The following KCND3 variants were observed in gnomAD, a reference collection of about 807,000 sequenced individuals.
The protein encoded by KCND3 is potassium voltage-gated channel subfamily D member 3.
A neutral mutation model predicts 51.1 loss-of-function variants in KCND3; 9 were observed. The observed-to-expected ratio is 0.18, with a 90% confidence interval of 0.11 to 0.31. The LOEUF is 0.31. Ranked by LOEUF, KCND3 falls within the 10% of genes least tolerant of loss-of-function variation. The pLI, the probability that KCND3 is intolerant of heterozygous loss-of-function variation, is 1.00. For missense variants in KCND3, 526 were observed against 903.8 expected (o/e 0.58, Z 5.36); for synonymous variants, 349 against 368.0 (o/e 0.95, Z 0.59).
At chr1:111,839,914 G>A (rs1451285336) in intron 2 of KCND3, among the ~76,000 whole-genome samples, 2 of 152,182 alleles carry the variant, frequency 1.3e-5, no homozygotes, top group Non-Finnish European at 2.9e-5. Context: ...GTTTATTCTG[G>A]GTGCCTTAGT....
intron 2 of KCND3, among the ~76,000 whole-genome samples, chr1:111,876,070 G>A (rs889889396): frequency 3.9e-5 from 6 of 152,080 alleles, no homozygotes; most frequent in East Asian, 1.9e-4. Flanking sequence ...TACTCAACTC[G>A]CAGGGAAACT....
At chr1:111,878,505 C>G (rs930375917) in intron 2 of KCND3, among the ~76,000 whole-genome samples, 1 of 152,212 alleles carries the variant, frequency 6.6e-6, no homozygotes, top group Non-Finnish European at 1.5e-5. Context: ...CTCCTCTGCT[C>G]CATTCCCCCT....
At chr1:111,843,384 A>T (rs913262344) in intron 2 of KCND3, among the ~76,000 whole-genome samples, 7 of 152,236 alleles carry the variant, frequency 4.6e-5, no homozygotes, top group African/African-American at 1.7e-4. Context: ...AAGAGAAGGC[A>T]AAGGCTGCCC....
At chr1:111,918,904 T>C (rs1295982923) in intron 2 of KCND3, among the ~76,000 whole-genome samples, 4 of 151,886 alleles carry the variant, frequency 2.6e-5, no homozygotes, top group African/African-American at 9.7e-5. Flanking sequence ...TTTTTACATC[T>C]TAAATGACTG....
At chr1:111,878,200 A>G (rs929544486) in intron 2 of KCND3, among the ~76,000 whole-genome samples, 1 of 152,222 alleles carries the variant, frequency 6.6e-6, no homozygotes, top group Non-Finnish European at 1.5e-5. Flanking sequence ...GCCACTGCCA[A>G]CTTTCAGACT....
chr1:111,830,588 G>A (rs567253677), intron 2 of KCND3, among the ~76,000 whole-genome samples: 5 of 152,344 alleles, frequency 3.3e-5, no homozygotes, highest in African/African-American at 9.6e-5. Context: ...TTTCAGCCCT[G>A]AGTCTGCGCC....
intron 2 of KCND3, among the ~76,000 whole-genome samples, chr1:111,940,522 A>G (rs563016154): frequency 6.6e-6 from 1 of 152,294 alleles, no homozygotes; most frequent in South Asian, 2.1e-4. Context: ...GGTTTGTCAA[A>G]GATCAGATAG....
chr1:111,981,923 C>A lies in KCND3; in HGVS notation c.804G>T (p.Met268Ile). 1 of 1,614,106 alleles carries A rather than the reference C, an allele frequency of 6.2e-7. No individual in the cohort carries two copies. Among genetic ancestry groups the A allele is most frequent in the East Asian group, 2.2e-5 (1 of 44,860 alleles). The change falls in exon 2 of 8, where the codon ATG (methionine) becomes ATT (isoleucine). Residue 268 changes from methionine to isoleucine, a missense_variant. By Grantham distance (10) the Met-to-Ile change is conservative. Transcript: ENST00000302127. The surrounding 1 kb of genome is among the most constrained non-coding windows in gnomAD (Gnocchi z 6.2). ...VMSIIDVVAI[M>I]PYYIGLVMTN... is the part of the protein sequence containing the mutation. The stretch of plus-strand genomic sequence containing the variant: ...TCATGACCAGACCGATGTAGTAGGG[C>A]ATGATGGCCACCACGTCGATGATGC...
chr1:111,810,879 T>G (rs1332054786), intron 2 of KCND3, among the ~76,000 whole-genome samples: 1 of 152,146 alleles, frequency 6.6e-6, no homozygotes, highest in South Asian at 2.1e-4. Flanking sequence ...ACAAATTGGG[T>G]CTTTGCTGTG....
chr1:111,927,855 A>G (rs1671781515), intron 2 of KCND3, among the ~76,000 whole-genome samples: 1 of 152,074 alleles, frequency 6.6e-6, no homozygotes, highest in Non-Finnish European at 1.5e-5. Flanking sequence ...TTCCCTCTCC[A>G]CAGCACTCCT....
intron 2 of KCND3, among the ~76,000 whole-genome samples, chr1:111,810,017 T>C (rs1162631210): frequency 6.6e-6 from 1 of 152,154 alleles, no homozygotes; most frequent in East Asian, 1.9e-4. Flanking sequence ...TGCTTCCTGG[T>C]CCAGCATCAC....
At chr1:111,813,225 G>T (rs145018315) in intron 2 of KCND3, among the ~76,000 whole-genome samples, 2,222 of 152,320 alleles carry the variant, frequency 0.015, 40 homozygotes, top group African/African-American at 0.049. Context: ...AGCTCAGGGA[G>T]CTTGGAACCC....
intron 2 of KCND3, among the ~76,000 whole-genome samples, chr1:111,950,509 C>T (rs932757484): frequency 6.6e-6 from 1 of 152,222 alleles, no homozygotes; most frequent in African/African-American, 2.4e-5. Context: ...TGGTGCCCAG[C>T]AGGTGCTATA....
chr1:111,848,704 T>C (rs1667674878), intron 2 of KCND3, among the ~76,000 whole-genome samples: 1 of 152,194 alleles, frequency 6.6e-6, no homozygotes, highest in Non-Finnish European at 1.5e-5. Context: ...TGCCTCCTCT[T>C]GGCTCCGAGA....
At chr1:111,916,728 A>T (rs1264990793) in intron 2 of KCND3, among the ~76,000 whole-genome samples, 1 of 152,214 alleles carries the variant, frequency 6.6e-6, no homozygotes, top group African/African-American at 2.4e-5. Context: ...CAGCTTTCAC[A>T]CACATCAAAA....
chr1:111,792,002 T>C (rs374245302), intron 2 of KCND3, among the ~76,000 whole-genome samples: 17 of 152,322 alleles, frequency 1.1e-4, no homozygotes, highest in African/African-American at 3.8e-4. Flanking sequence ...CGTACTCTGC[T>C]CCTAGATGCA....
chr1:111,844,137 C>T (rs1667447990), intron 2 of KCND3, among the ~76,000 whole-genome samples: 1 of 152,138 alleles, frequency 6.6e-6, no homozygotes, highest in African/African-American at 2.4e-5. Flanking sequence ...CTCACTCACT[C>T]AACCACTCAA....
At chr1:111,897,029 C>T (rs1670146103) in intron 2 of KCND3, among the ~76,000 whole-genome samples, 1 of 152,226 alleles carries the variant, frequency 6.6e-6, no homozygotes, top group Non-Finnish European at 1.5e-5. Flanking sequence ...AGGCTGGGGT[C>T]TGTCTTGTCC....
At chr1:111,949,163 G>A (rs1557739291) in intron 2 of KCND3, among the ~76,000 whole-genome samples, 1 of 152,184 alleles carries the variant, frequency 6.6e-6, no homozygotes, top group Non-Finnish European at 1.5e-5. Context: ...TTTTGTCTGG[G>A]AATAGAAAGT....
Sources: gnomAD v4.1 joint callset for allele counts (sites outside exome capture counted in the v4.1 genomes callset) on GRCh38, gnomAD v4.1.1 for gene constraint, Gnocchi (gnomAD v3.1) non-coding constraint, MANE v1.5 for transcripts, NCBI Gene and HGNC (gene_info 2026-07-23, HGNC 2026-07-21) for gene names.